ASAP1: variants seen among roughly 807,000 people sequenced by gnomAD.
The protein encoded by ASAP1 is ArfGAP with SH3 domain, ankyrin repeat and PH domain 1, also known as arf-GAP with SH3 domain, ANK repeat and PH domain-containing protein 1.
In ASAP1, 43 loss-of-function variants were observed where a neutral mutation model predicts 145.2. That is an observed-to-expected ratio of 0.30 (90% CI 0.23 to 0.38). The LOEUF is 0.38. Among genes scored for constraint, ASAP1 ranks in the 10% least tolerant of loss-of-function variants. The pLI is 1.00. For missense variants in ASAP1, 1,018 were observed against 1,355.3 expected (o/e 0.75, Z 3.91); for synonymous variants, 546 against 515.5 (o/e 1.06, Z -0.80).
At chr8:130,167,234 A>G (rs547299212) in intron 11 of ASAP1, among the ~76,000 whole-genome samples, 10 of 151,910 alleles carry the variant, frequency 6.6e-5, no homozygotes, top group Non-Finnish European at 1.3e-4. Context: ...CAAGGCTGCG[A>G]TGAGCCATAA....
At chr8:130,275,178 G>T (rs993967051) in intron 3 of ASAP1, among the ~76,000 whole-genome samples, 2 of 152,212 alleles carry the variant, frequency 1.3e-5, no homozygotes, top group Non-Finnish European at 2.9e-5. Context: ...CTCAACAAAT[G>T]GTAGCTCCTT....
intron 1 of ASAP1, among the ~76,000 whole-genome samples, chr8:130,434,004 C>T (rs10098396): frequency 0.32 from 48,166 of 152,042 alleles, 7,676 homozygotes; most frequent in Middle Eastern, 0.36. Context: ...GAACACAGAT[C>T]GCCTTGCTTA....
intron 3 of ASAP1, among the ~76,000 whole-genome samples, chr8:130,283,111 G>T (rs1821350581): frequency 6.6e-6 from 1 of 152,204 alleles, no homozygotes; most frequent in African/African-American, 2.4e-5. Context: ...TCATGGGATG[G>T]ATTTGGCAAG....
At chr8:130,079,801 G>C (rs1024739026) in intron 26 of ASAP1, 101 bp downstream of exon 26, 2 of 1,267,964 alleles carry the variant, frequency 1.6e-6, no homozygotes, top group African/African-American at 3.0e-5. Flanking sequence ...GCTGACCACA[G>C]CTTTGAGCAG....
At chr8:130,134,032 G>A (rs550542108) in intron 15 of ASAP1, among the ~76,000 whole-genome samples, 31 of 152,316 alleles carry the variant, frequency 2.0e-4, no homozygotes, top group East Asian at 5.8e-4. Context: ...TGAAGAGGCC[G>A]CGGGCAAGGA....
intron 29 of ASAP1, among the ~76,000 whole-genome samples, chr8:130,057,150 T>TC (rs2097406019): frequency 2.0e-5 from 3 of 152,214 alleles, no homozygotes; most frequent in Non-Finnish European, 4.4e-5. Context: ...GGATTAAGAA[T>TC]TGAGTCTGAG....
intron 3 of ASAP1, among the ~76,000 whole-genome samples, chr8:130,285,912 C>T (rs943051942): frequency 6.6e-6 from 1 of 152,082 alleles, no homozygotes; most frequent in East Asian, 1.9e-4. Flanking sequence ...TGAGCCAAGG[C>T]TTTACTGGAA....
intron 3 of ASAP1, among the ~76,000 whole-genome samples, chr8:130,357,323 C>A (rs74532806): frequency 6.6e-6 from 1 of 152,216 alleles, no homozygotes; most frequent in Non-Finnish European, 1.5e-5. Flanking sequence ...GGCCTCCGAT[C>A]TCCTTGTCCA....
At chr8:130,100,407 G>C (rs953510164) in intron 24 of ASAP1, among the ~76,000 whole-genome samples, 4 of 151,856 alleles carry the variant, frequency 2.6e-5, no homozygotes, top group African/African-American at 9.7e-5. Context: ...TCGGCTCACT[G>C]CAACCTCCGC....
chr8:130,346,733 G>A (rs976849617), intron 3 of ASAP1, among the ~76,000 whole-genome samples: 1 of 145,556 alleles, frequency 6.9e-6, no homozygotes, highest in Non-Finnish European at 1.5e-5. Context: ...TTTATTTATT[G>A]GGAGGCAGTG....
At chr8:130,400,636 A>G (rs1393675036) in intron 2 of ASAP1, among the ~76,000 whole-genome samples, 2 of 151,944 alleles carry the variant, frequency 1.3e-5, no homozygotes, top group Non-Finnish European at 2.9e-5. Context: ...AAAAAATACA[A>G]AAAAATTAGC....
intron 27 of ASAP1, among the ~76,000 whole-genome samples, chr8:130,070,583 A>G (rs566635581): frequency 1.7e-4 from 26 of 152,058 alleles, no homozygotes; most frequent in Non-Finnish European, 1.0e-4. Flanking sequence ...AGCACCTCCC[A>G]GCAACAACTA....
At chr8:130,411,345 T>A (rs888149921) in intron 1 of ASAP1, among the ~76,000 whole-genome samples, 2 of 152,216 alleles carry the variant, frequency 1.3e-5, no homozygotes, top group African/African-American at 2.4e-5. Context: ...AAATGAATGC[T>A]TCTAGCTGTG....
chr8:130,228,850 TA>T (rs1817742879), intron 4 of ASAP1, among the ~76,000 whole-genome samples: 1 of 151,900 alleles, frequency 6.6e-6, no homozygotes, highest in Non-Finnish European at 1.5e-5. Context: ...TTTTCTATAG[TA>T]AACACATTAA....
rs148473893 is a variant in ASAP1, at chr8:130,232,647, TCA to T, written c.259+4273_259+4274del. Among the ~76,000 whole-genome samples the T allele has an allele frequency of 9.5e-3, 1,443 of 151,902 alleles. 21 individuals carry two copies. The highest frequency in any genetic ancestry group is 0.032 in the African/African-American group (1,336 of 41,452). On this transcript the variant is annotated intron_variant, in intron 4 of 29. Transcript: ENST00000518721. ...TTAAAAAAAAAAAACCAAAAAACCC[TCA>T]TTTTTATAATGTTTACTAGTACTGA...
chr8:130,239,098 A>G (rs1818377568), intron 3 of ASAP1, among the ~76,000 whole-genome samples: 1 of 152,134 alleles, frequency 6.6e-6, no homozygotes, highest in South Asian at 2.1e-4. Context: ...GAAAATTACA[A>G]TGTACCTCTA....
intron 3 of ASAP1, among the ~76,000 whole-genome samples, chr8:130,273,449 G>A (rs1359547046): frequency 2.0e-5 from 3 of 152,124 alleles, no homozygotes; most frequent in Non-Finnish European, 4.4e-5. Flanking sequence ...AAGGAACTGC[G>A]GGGGACATGT....
intron 1 of ASAP1, 101 bp from the exon 2 acceptor site, chr8:130,402,071 C>A: frequency 2.8e-6 from 2 of 714,782 alleles, no homozygotes; most frequent in Non-Finnish European, 4.6e-6. Context: ...GGAGGCTGCA[C>A]CTTTGTCAGG....
intron 5 of ASAP1, among the ~76,000 whole-genome samples, chr8:130,213,141 T>C (rs1162553034): frequency 6.6e-6 from 1 of 152,232 alleles, no homozygotes; most frequent in East Asian, 1.9e-4. Context: ...ATCTAAGATT[T>C]ACAAAAACAT....
Sources: gnomAD v4.1 joint callset for allele counts (sites outside exome capture counted in the v4.1 genomes callset) on GRCh38, gnomAD v4.1.1 for gene constraint, MANE v1.5 for transcripts, NCBI Gene and HGNC (gene_info 2026-07-23, HGNC 2026-07-21) for gene names.